The following ERBB4 variants were observed in gnomAD, a reference collection of about 807,000 sequenced individuals.
The protein encoded by ERBB4 is erb-b2 receptor tyrosine kinase 4, also known as receptor tyrosine-protein kinase erbB-4.
ERBB4 carries 42 observed loss-of-function variants against 158.0 expected under a neutral mutation model. That is an observed-to-expected ratio of 0.27 (90% CI 0.21 to 0.34). ERBB4 has a LOEUF of 0.34. Ranked by LOEUF, ERBB4 falls within the 10% of genes least tolerant of loss-of-function variation. The pLI is 1.00. For synonymous variants in ERBB4, 583 were observed against 558.7 expected (o/e 1.04, Z -0.61); for missense variants, 1,333 against 1,624.1 (o/e 0.82, Z 3.08).
intron 3 of ERBB4, among the ~76,000 whole-genome samples, chr2:211,936,691 C>A (rs1300543198): frequency 1.3e-5 from 2 of 152,016 alleles, no homozygotes; most frequent in African/African-American, 4.8e-5. Context: ...ATTAAGAGAA[C>A]AAAGTTTAAG....
intron 2 of ERBB4, among the ~76,000 whole-genome samples, chr2:212,077,813 C>T (rs1263125657): frequency 6.6e-6 from 1 of 152,066 alleles, no homozygotes; most frequent in Non-Finnish European, 1.5e-5. Flanking sequence ...ATACTTTAGA[C>T]CTGCCTTCTC....
At chr2:212,185,062 C>T (rs1298944679) in intron 1 of ERBB4, among the ~76,000 whole-genome samples, 1 of 142,122 alleles carries the variant, frequency 7.0e-6, no homozygotes, top group Non-Finnish European at 1.5e-5. Context: ...ACTCTGTTGC[C>T]CAGGCTGGAA....
In ERBB4 at chr2:212,095,233, C is replaced by G. The variant is rs555219969; in HGVS notation, c.234+29519G>C. Among the ~76,000 whole-genome samples, 4 of 152,258 alleles carry G rather than the reference C, an allele frequency of 2.6e-5. No homozygotes were observed. In the East Asian group the frequency reaches 7.7e-4, roughly 29 times the overall value. On this transcript the variant is annotated intron_variant, in intron 2 of 27. Transcript: ENST00000342788. ...TTTGGCTTTGTATTACTCAATGCAC[C>G]AGAGGCATGCAGTTATCAAAACAAC...
intron 19 of ERBB4, among the ~76,000 whole-genome samples, chr2:211,573,433 G>A (rs1208370146): frequency 6.6e-6 from 1 of 152,154 alleles, no homozygotes; most frequent in East Asian, 1.9e-4. Context: ...CACTTTGGGA[G>A]TCTGAGGTGG....
At chr2:211,702,664 A>C (rs35248812) in intron 11 of ERBB4, among the ~76,000 whole-genome samples, 27,504 of 152,112 alleles carry the variant, frequency 0.18, 3,344 homozygotes, top group African/African-American at 0.34. Flanking sequence ...GAACTGTAAT[A>C]ATTGAGGAAT....
At chr2:211,727,179 T>A (rs918885606) in intron 5 of ERBB4, among the ~76,000 whole-genome samples, 4 of 152,178 alleles carry the variant, frequency 2.6e-5, no homozygotes, top group African/African-American at 9.7e-5. Flanking sequence ...ATGGGCAAGT[T>A]ATTTAACCAT....
intron 7 of ERBB4, among the ~76,000 whole-genome samples, chr2:211,721,721 T>A (rs2074101084): frequency 6.6e-6 from 1 of 151,350 alleles, no homozygotes; most frequent in African/African-American, 2.4e-5. Context: ...GAATCAGAAA[T>A]AATTTTAGGT....
chr2:211,833,532 A>G (rs1464577550), intron 3 of ERBB4, among the ~76,000 whole-genome samples: 2 of 152,004 alleles, frequency 1.3e-5, no homozygotes, highest in Non-Finnish European at 2.9e-5. Context: ...TTAGACTCAG[A>G]TCTAGCTCTG....
intron 1 of ERBB4, among the ~76,000 whole-genome samples, chr2:212,475,052 C>T (rs1000556850): frequency 6.6e-6 from 1 of 152,008 alleles, no homozygotes; most frequent in Non-Finnish European, 1.5e-5. Flanking sequence ...GACCATTCTC[C>T]ATCTTATAGC....
intron 20 of ERBB4, among the ~76,000 whole-genome samples, chr2:211,506,375 ACT>A (rs1260915488): frequency 6.6e-6 from 1 of 152,000 alleles, no homozygotes; most frequent in Non-Finnish European, 1.5e-5. Context: ...TAACAAGAAA[ACT>A]CTGTACCTAA....
chr2:211,687,524 T>C (rs924661209), intron 12 of ERBB4, among the ~76,000 whole-genome samples: 2 of 149,898 alleles, frequency 1.3e-5, no homozygotes, highest in African/African-American at 4.9e-5. Flanking sequence ...TAGCATTGTA[T>C]GTTTGTTTGT....
intron 2 of ERBB4, among the ~76,000 whole-genome samples, chr2:212,019,842 G>A (rs2076610676): frequency 6.6e-6 from 1 of 150,638 alleles, no homozygotes; most frequent in African/African-American, 2.4e-5. Flanking sequence ...GAAGGGATAA[G>A]ATGGGGTCAA....
intron 1 of ERBB4, among the ~76,000 whole-genome samples, chr2:212,288,377 G>C (rs934155943): frequency 6.6e-6 from 1 of 152,088 alleles, no homozygotes; most frequent in Admixed American, 6.6e-5. Flanking sequence ...GTGTGCTTGA[G>C]GAACCACGAA....
chr2:212,333,439 G>C (rs1427441080), intron 1 of ERBB4, among the ~76,000 whole-genome samples: 1 of 151,544 alleles, frequency 6.6e-6, no homozygotes, highest in Non-Finnish European at 1.5e-5. Context: ...AACACTTTGG[G>C]AGGCCAAGGC....
intron 5 of ERBB4, among the ~76,000 whole-genome samples, chr2:211,749,913 T>G (rs978985508): frequency 6.6e-6 from 1 of 152,194 alleles, no homozygotes; most frequent in Non-Finnish European, 1.5e-5. Context: ...ACCACTTGTA[T>G]AGGACATTTT....
intron 2 of ERBB4, among the ~76,000 whole-genome samples, chr2:212,110,520 C>T (rs1377982807): frequency 6.6e-6 from 1 of 152,200 alleles, no homozygotes; most frequent in Non-Finnish European, 1.5e-5. Flanking sequence ...ACTGCTGCTA[C>T]CGCCTCACTG....
chr2:212,195,486 TA>T (rs1361209857), intron 1 of ERBB4, among the ~76,000 whole-genome samples: 1 of 100,048 alleles, frequency 1.0e-5, no homozygotes, highest in East Asian at 2.0e-4. Context: ...TTAAATTAAT[TA>T]AATAAAATAT....
chr2:212,377,833 T>A (rs7424243), intron 1 of ERBB4, among the ~76,000 whole-genome samples: 2 of 152,150 alleles, frequency 1.3e-5, no homozygotes, highest in East Asian at 3.9e-4. Context: ...ATAAGTTTTT[T>A]AATTTTTTAA....
intron 1 of ERBB4, among the ~76,000 whole-genome samples, chr2:212,538,154 C>A (rs1693211024): frequency 6.6e-6 from 1 of 152,142 alleles, no homozygotes; most frequent in Non-Finnish European, 1.5e-5. Context: ...GAACAACAGG[C>A]GCCACCAGAA....
Sources: gnomAD v4.1 joint callset for allele counts (sites outside exome capture counted in the v4.1 genomes callset) on GRCh38, gnomAD v4.1.1 for gene constraint, MANE v1.5 for transcripts, NCBI Gene and HGNC (gene_info 2026-07-23, HGNC 2026-07-21) for gene names.